The following UBE2D2 variants were observed in gnomAD, a reference collection of about 807,000 sequenced individuals.
UBE2D2 encodes the protein ubiquitin conjugating enzyme E2 D2.
A neutral mutation model predicts 24.2 loss-of-function variants in UBE2D2; 2 were observed. The ratio of observed to expected loss-of-function variants is 0.08; its 90% confidence interval spans 0.03 to 0.26. UBE2D2 has a LOEUF of 0.26. UBE2D2 is among the 10% of genes least tolerant of loss of function. The pLI is 1.00. For synonymous variants in UBE2D2, 58 were observed against 56.5 expected, an observed-to-expected ratio of 1.03 and a Z score of -0.12; for missense variants, 44 against 177.6, an observed-to-expected ratio of 0.25 and a Z score of 4.28.
intron 1 of UBE2D2, chr5:139,562,061 C>T (rs969976575): frequency 1.2e-6 from 1 of 823,990 alleles, no homozygotes; most frequent in African/African-American, 1.8e-5. Flanking sequence ...TCCAGGCCCG[C>T]ATGGTGTGGA....
chr5:139,609,433 C>T (rs969681925), intron 2 of UBE2D2, among the ~76,000 whole-genome samples: 1 of 151,746 alleles, frequency 6.6e-6, no homozygotes, highest in African/African-American at 2.4e-5. Context: ...TGCAATGGCA[C>T]GATCTTGGCT....
chr5:139,539,096 C>T lies in UBE2D2; in HGVS notation c.-64+12484C>T, dbSNP rs184638516. ...CTGGAGTGCAGTGGTGCGATCTCAG[C>T]TCACTGCAACCTCCACCTCCCGGGT... On this transcript the variant is annotated intron_variant, in intron 1 of 6. Transcript: ENST00000511725. Among the ~76,000 whole-genome samples the T allele has an allele frequency of 2.6e-4, 40 of 152,080 alleles. 1 individual carries two copies. Among genetic ancestry groups the T allele is most frequent in the African/African-American group, 9.2e-4 (38 of 41,512 alleles).
Position 139,568,341 on chromosome 5 carries a change from CAA to C in UBE2D2, c.24+6538_24+6539del, listed in dbSNP as rs111902455. Among the ~76,000 whole-genome samples the C allele has an allele frequency of 8.5e-3, 1,173 of 138,236 alleles. 8 individuals carry two copies. Among genetic ancestry groups the C allele is most frequent in the Middle Eastern group, 0.047 (12 of 254 alleles). 90.7% of individuals were successfully genotyped at this position (138,236 alleles called of 152,430 possible). A position where few individuals can be genotyped will look rare whatever the true frequency, so the allele number is the denominator to read the frequency against. ...CCTTTGCAACAGCGAGACTCCATCTCAAAAAAAAAAAAATTGCTTAAAAATAC... is the reference window on the plus strand; with the variant it reads ...CCTTTGCAACAGCGAGACTCCATCTCAAAAAAAAAAATTGCTTAAAAATAC... On this transcript the variant is annotated intron_variant, in intron 1 of 6. Transcript: ENST00000398733.
chr5:139,613,963 G>C (rs12652179), intron 2 of UBE2D2, among the ~76,000 whole-genome samples: 1 of 151,724 alleles, frequency 6.6e-6, no homozygotes, highest in African/African-American at 2.4e-5. Context: ...TTGGGAGGCT[G>C]AGGCAGGAGA....
chr5:139,615,113 G>A (rs1754396656), intron 5 of UBE2D2, 147 bp downstream of exon 5: 4 of 834,002 alleles, frequency 4.8e-6, no homozygotes, highest in South Asian at 1.9e-5. Context: ...AACTGAAAAC[G>A]AGTTGGATTT....
chr5:139,585,553 A>G lies in UBE2D2; in HGVS notation c.25-14819A>G, dbSNP rs553450369. Among the ~76,000 whole-genome samples, 22 of 152,012 alleles carry G rather than the reference A, an allele frequency of 1.4e-4. No individual in the cohort carries two copies. In the South Asian group the frequency reaches 4.4e-3, roughly 30 times the overall value. On this transcript the variant is annotated intron_variant, in intron 1 of 6. Transcript: ENST00000398733. ...TATAGACTTTCTGTTTCCTGCCGCTATTGGTGATTGGGCTGAATGGACTAG... is the reference window on the plus strand; with the variant it reads ...TATAGACTTTCTGTTTCCTGCCGCTGTTGGTGATTGGGCTGAATGGACTAG...
intron 1 of UBE2D2, among the ~76,000 whole-genome samples, chr5:139,531,526 G>A (rs1198602655): frequency 6.6e-6 from 1 of 151,522 alleles, no homozygotes; most frequent in African/African-American, 2.4e-5. Flanking sequence ...TCTACAACTC[G>A]GTGTCTGAGA....
At chr5:139,563,501 T>A (rs1014666121) in intron 1 of UBE2D2, among the ~76,000 whole-genome samples, 2 of 152,162 alleles carry the variant, frequency 1.3e-5, no homozygotes, top group African/African-American at 2.4e-5. Flanking sequence ...TACATATGTA[T>A]TTTAAAGGCT....
At chr5:139,586,258 G>C (rs915503331) in intron 1 of UBE2D2, among the ~76,000 whole-genome samples, 1 of 151,644 alleles carries the variant, frequency 6.6e-6, no homozygotes, top group African/African-American at 2.4e-5. Flanking sequence ...AAACGTGGTA[G>C]GCAAATTTTA....
intron 1 of UBE2D2, among the ~76,000 whole-genome samples, chr5:139,550,077 G>T (rs552863937): frequency 2.7e-4 from 41 of 151,858 alleles, no homozygotes; most frequent in African/African-American, 9.4e-4. Flanking sequence ...AGTGCTCTGT[G>T]TCTAATCTAG....
intron 5 of UBE2D2, among the ~76,000 whole-genome samples, chr5:139,620,975 T>G (rs1418420180): frequency 6.6e-6 from 1 of 152,214 alleles, no homozygotes; most frequent in Non-Finnish European, 1.5e-5. Flanking sequence ...CCGGGTGTGG[T>G]AGTTCACGCC....
exon 1 of UBE2D2, chr5:139,526,580 C>G (rs1019185678): frequency 6.6e-6 from 1 of 152,330 alleles, no homozygotes; most frequent in African/African-American, 2.4e-5. Context: ...CGGGAAGGAA[C>G]TGGCACTTGG....
exon 1 of UBE2D2, chr5:139,526,462 T>A (rs1430955531): frequency 6.6e-6 from 1 of 152,286 alleles, no homozygotes; most frequent in African/African-American, 2.4e-5. Context: ...CCAGCCTGAG[T>A]GACGCGATCC....
At chr5:139,547,920 C>A (rs1752854553) in intron 1 of UBE2D2, among the ~76,000 whole-genome samples, 1 of 151,890 alleles carries the variant, frequency 6.6e-6, no homozygotes, top group Non-Finnish European at 1.5e-5. Flanking sequence ...GTCTCGAACT[C>A]CCCACCTCAG....
In UBE2D2 at chr5:139,561,846, G is replaced by C. The variant is rs542829615; in HGVS notation, c.24+31G>C. 6.1e-6 allele frequency: 9 copies of C among 1,475,374 alleles called. No individual in the cohort carries two copies. The South Asian group carries it at 1.3e-4, about 21-fold the overall frequency. 91.4% of individuals were successfully genotyped at this position (1,475,374 alleles called of 1,614,324 possible). On this transcript the variant is annotated intron_variant, in intron 1 of 6. Coordinates refer to ENST00000398733, the MANE Select transcript of UBE2D2 (RefSeq NM_003339.3). ...CGGCCGGAGGTCGGCTGCGCTGCTGGCCAGCTGAGCAGGCTGCGGCCTGCA... is the reference window on the plus strand; with the variant it reads ...CGGCCGGAGGTCGGCTGCGCTGCTGCCCAGCTGAGCAGGCTGCGGCCTGCA...
intron 1 of UBE2D2, among the ~76,000 whole-genome samples, chr5:139,597,341 T>C (rs1753982344): frequency 3.3e-5 from 5 of 152,228 alleles, no homozygotes; most frequent in Admixed American, 3.3e-4. Flanking sequence ...GTCTGGCTTC[T>C]TTCACTTAGC....
intron 2 of UBE2D2, among the ~76,000 whole-genome samples, chr5:139,603,490 G>T (rs1278901144): frequency 6.6e-6 from 1 of 151,950 alleles, no homozygotes; most frequent in Non-Finnish European, 1.5e-5. Context: ...GGGCGCGGTG[G>T]CGCCTGCCTA....
At chr5:139,527,671 A>T (rs1165364863) in intron 1 of UBE2D2, among the ~76,000 whole-genome samples, 1 of 152,242 alleles carries the variant, frequency 6.6e-6, no homozygotes, top group Non-Finnish European at 1.5e-5. Context: ...CTGGTTGTTT[A>T]AAGAAAAGAA....
chr5:139,530,981 A>G lies in UBE2D2; in HGVS notation c.-64+4369A>G, dbSNP rs576787732. ...TTCACAAAAATGCTTCAGCACAAGC[A>G]TACTATGTAAATCACTATCAATCTA... On this transcript the variant is annotated intron_variant, in intron 1 of 6. Transcript: ENST00000511725. Among the ~76,000 whole-genome samples, 3 of 152,352 alleles carry G rather than the reference A, an allele frequency of 2.0e-5. No homozygotes were observed. The East Asian group carries it at 5.8e-4, about 29-fold the overall frequency.
Sources: allele counts gnomAD v4.1 joint callset (sites outside exome capture counted in the v4.1 genomes callset), GRCh38; gene constraint gnomAD v4.1.1; transcripts MANE v1.5; gene names NCBI Gene and HGNC (gene_info 2026-07-23, HGNC 2026-07-21).